SPOCK1: variants seen among roughly 807,000 people sequenced by gnomAD.
SPOCK1 encodes the protein testican-1.
In SPOCK1, 23 loss-of-function variants were observed where a neutral mutation model predicts 55.3. The observed-to-expected ratio is 0.42, with a 90% confidence interval of 0.30 to 0.59. The LOEUF is 0.59. SPOCK1 is among the 20% of genes least tolerant of loss of function. The pLI is 0.22. For missense variants in SPOCK1, 499 were observed against 552.5 expected (o/e 0.90, Z 0.97); for synonymous variants, 226 against 221.0 (o/e 1.02, Z -0.20).
intron 2 of SPOCK1, among the ~76,000 whole-genome samples, chr5:137,438,036 T>G (rs952893961): frequency 6.6e-6 from 1 of 152,200 alleles, no homozygotes; most frequent in African/African-American, 2.4e-5. Flanking sequence ...GACTGGCTCA[T>G]TTCACTTAGC....
In SPOCK1 at chr5:137,140,593, G is replaced by A; in HGVS notation, c.334C>T (p.His112Tyr). 1 of 1,613,406 alleles carries A rather than the reference G, an allele frequency of 6.2e-7. No homozygotes were observed. Among genetic ancestry groups the A allele is most frequent in the South Asian group, 1.1e-5 (1 of 90,892 alleles). Reference protein sequence around the residue: ...YQTALCVSRKHLLPRQKKGNV... With the variant: ...YQTALCVSRKYLLPRQKKGNV... ...TTCCTGCCTTACCTGGGGAGCAGGTGCTTGCGGCTGACACACAGGGCGGTC... is the reference window on the plus strand; with the variant it reads ...TTCCTGCCTTACCTGGGGAGCAGGTACTTGCGGCTGACACACAGGGCGGTC... The change falls in exon 4 of 11, where the codon CAC becomes TAC. Residue 112 changes from histidine to tyrosine, a missense_variant. His to Tyr is a moderately conservative substitution (Grantham distance 83). Transcript: ENST00000394945.
chr5:137,065,651 G>C (rs1752491185), intron 6 of SPOCK1, among the ~76,000 whole-genome samples: 1 of 151,968 alleles, frequency 6.6e-6, no homozygotes, highest in Non-Finnish European at 1.5e-5. Context: ...TAATATTGTT[G>C]GTATTATTTT....
At chr5:137,384,587 T>TATATATATA (rs1491337279) in intron 2 of SPOCK1, among the ~76,000 whole-genome samples, 2 of 70,830 alleles carry the variant, frequency 2.8e-5, no homozygotes, top group Admixed American at 1.9e-4. Context: ...TATGTATGTA[T>TATATATATA]TTTTTTTTCC....
intron 2 of SPOCK1, among the ~76,000 whole-genome samples, chr5:137,451,128 T>A (rs1450587993): frequency 6.6e-6 from 1 of 152,100 alleles, no homozygotes; most frequent in East Asian, 1.9e-4. Flanking sequence ...ACTTTTCAGG[T>A]AAGCCACAGG....
chr5:137,066,663 A>G (rs1378743944), intron 6 of SPOCK1, among the ~76,000 whole-genome samples: 2 of 152,224 alleles, frequency 1.3e-5, no homozygotes, highest in African/African-American at 4.8e-5. Flanking sequence ...TAACTAAATG[A>G]ATCAGGCCTA....
At chr5:137,212,023 G>A (rs541986684) in intron 3 of SPOCK1, among the ~76,000 whole-genome samples, 11 of 152,328 alleles carry the variant, frequency 7.2e-5, no homozygotes, top group Admixed American at 6.5e-4. Context: ...GCTGAGAAGA[G>A]GGTTATGGGA....
intron 2 of SPOCK1, among the ~76,000 whole-genome samples, chr5:137,434,942 A>C (rs922453776): frequency 3.3e-5 from 5 of 152,064 alleles, no homozygotes; most frequent in African/African-American, 1.2e-4. Flanking sequence ...AAATGTTCAA[A>C]GAAGAAAATA....
chr5:137,196,640 G>A (rs919902159), intron 3 of SPOCK1, among the ~76,000 whole-genome samples: 3 of 152,238 alleles, frequency 2.0e-5, no homozygotes, highest in Non-Finnish European at 4.4e-5. Flanking sequence ...TTCCCTGACT[G>A]CCTCCAACTA....
intron 2 of SPOCK1, among the ~76,000 whole-genome samples, chr5:137,325,486 T>A (rs1420705267): frequency 1.3e-5 from 2 of 152,216 alleles, no homozygotes; most frequent in African/African-American, 4.8e-5. Context: ...CTAAGAAGAA[T>A]TCTGCGTACA....
chr5:137,440,243 G>C (rs1752967035), intron 2 of SPOCK1, among the ~76,000 whole-genome samples: 1 of 152,026 alleles, frequency 6.6e-6, no homozygotes, highest in African/African-American at 2.4e-5. Flanking sequence ...TATATTCACA[G>C]ACATGGAAAA....
At position 136,978,666 on chromosome 5, in the gene SPOCK1, C is replaced by G; in HGVS notation, c.1308G>C (p.Gly436=). The G allele has an allele frequency of 6.2e-7, 1 of 1,608,918 alleles. No homozygotes were observed. The highest frequency in any genetic ancestry group is 1.1e-5 in the South Asian group (1 of 89,928). The change falls in exon 11 of 11, where the codon GGG becomes GGC. Residue 436 remains glycine, a synonymous_variant. Transcript: ENST00000394945. ...DEDDDKEDEV[G]YIW ...TTTCTTGTGGGCACTACCATATGTA[C>G]CCGACCTCATCCTCTTTGTCATCAT...
chr5:136,982,776 G>T (rs1750755933), intron 9 of SPOCK1, among the ~76,000 whole-genome samples: 1 of 152,040 alleles, frequency 6.6e-6, no homozygotes, highest in Non-Finnish European at 1.5e-5. Flanking sequence ...TTCTTTCTGG[G>T]ATCATTTGTT....
intron 3 of SPOCK1, among the ~76,000 whole-genome samples, chr5:137,163,567 C>T (rs964919521): frequency 5.3e-5 from 8 of 152,192 alleles, no homozygotes; most frequent in African/African-American, 1.7e-4. Context: ...AGGATGCTAT[C>T]TTACCATCTC....
intron 3 of SPOCK1, among the ~76,000 whole-genome samples, chr5:137,262,068 C>A (rs905646552): frequency 1.3e-5 from 2 of 152,184 alleles, no homozygotes. Flanking sequence ...CCATTTTCTT[C>A]TTCTAAAAGA....
At chr5:137,199,607 A>G (rs1755375529) in intron 3 of SPOCK1, among the ~76,000 whole-genome samples, 1 of 151,876 alleles carries the variant, frequency 6.6e-6, no homozygotes, top group African/African-American at 2.4e-5. Flanking sequence ...AGGACACCAC[A>G]TTCTCATGAG....
intron 2 of SPOCK1, among the ~76,000 whole-genome samples, chr5:137,404,478 T>G (rs1752052913): frequency 2.6e-5 from 4 of 151,266 alleles, no homozygotes; most frequent in Admixed American, 2.0e-4. Context: ...GGCGCGATCT[T>G]GGCTCACTGC....
chr5:137,035,204 G>C (rs776336370), intron 6 of SPOCK1, among the ~76,000 whole-genome samples: 3 of 152,236 alleles, frequency 2.0e-5, no homozygotes, highest in Non-Finnish European at 4.4e-5. Flanking sequence ...CTGCCTGAAG[G>C]AGGAGAGGGA....
intron 2 of SPOCK1, among the ~76,000 whole-genome samples, chr5:137,423,474 T>C (rs560375234): frequency 1.8e-4 from 27 of 152,312 alleles, no homozygotes; most frequent in African/African-American, 6.3e-4. Flanking sequence ...TACTCAAGCC[T>C]CGGCAATGGC....
At chr5:137,487,237 G>A (rs529427818) in intron 2 of SPOCK1, among the ~76,000 whole-genome samples, 1 of 151,284 alleles carries the variant, frequency 6.6e-6, no homozygotes, top group South Asian at 2.1e-4. Flanking sequence ...ACTTCAGAAT[G>A]AGGAATACTG....
Sources: allele counts gnomAD v4.1 joint callset (sites outside exome capture counted in the v4.1 genomes callset), GRCh38; gene constraint gnomAD v4.1.1; transcripts MANE v1.5; gene names NCBI Gene and HGNC (gene_info 2026-07-23, HGNC 2026-07-21).